The following ADRA1B variants were observed in gnomAD, a reference collection of about 807,000 sequenced individuals.
ADRA1B encodes the protein alpha-1B adrenergic receptor.
ADRA1B carries 17 observed loss-of-function variants against 17.9 expected under a neutral mutation model. The observed-to-expected ratio is 0.95, with a 90% CI of 0.65 to 1.42. The LOEUF (loss-of-function observed/expected upper bound fraction) is 1.42. ADRA1B is among the 40% of genes most tolerant of loss of function. The pLI, the probability that ADRA1B is intolerant of heterozygous loss-of-function variation, is 0.00. For missense variants in ADRA1B, 681 were observed against 722.1 expected (o/e 0.94, Z 0.65); for synonymous variants, 366 against 327.6 (o/e 1.12, Z -1.27).
chr5:159,971,063 A>G (rs1161531937), intron 1 of ADRA1B, among the ~76,000 whole-genome samples: 1 of 152,136 alleles, frequency 6.6e-6, no homozygotes, highest in Non-Finnish European at 1.5e-5. Flanking sequence ...TGGTCTCCCA[A>G]AGTGCTGGGA....
chr5:159,925,452 T>G (rs75398586), intron 1 of ADRA1B, among the ~76,000 whole-genome samples: 11 of 152,182 alleles, frequency 7.2e-5, no homozygotes, highest in Non-Finnish European at 1.2e-4. Flanking sequence ...TTTAGAGGAC[T>G]TTTTTACAGT....
intron 1 of ADRA1B, among the ~76,000 whole-genome samples, chr5:159,929,434 GT>G (rs902377495): frequency 6.7e-6 from 1 of 149,458 alleles, no homozygotes; most frequent in African/African-American, 2.5e-5. Context: ...TTTAGTTTGG[GT>G]TTTTTTTGGT....
intron 1 of ADRA1B, among the ~76,000 whole-genome samples, chr5:159,906,028 T>G (rs1000203908): frequency 5.3e-5 from 8 of 152,164 alleles, no homozygotes; most frequent in African/African-American, 1.9e-4. Flanking sequence ...CTAATTTTTG[T>G]ATTTTTAGTA....
At chr5:159,892,904 C>T (rs534731675) in intron 1 of ADRA1B, among the ~76,000 whole-genome samples, 5 of 152,236 alleles carry the variant, frequency 3.3e-5, no homozygotes, top group South Asian at 2.1e-4. Flanking sequence ...GCCGAGGATT[C>T]GCTACACTGT....
intron 1 of ADRA1B, among the ~76,000 whole-genome samples, chr5:159,910,300 G>C (rs1754215453): frequency 6.6e-6 from 1 of 152,160 alleles, no homozygotes; most frequent in South Asian, 2.1e-4. Context: ...GGCTGAAAGA[G>C]TTTATGTAGC....
intron 1 of ADRA1B, among the ~76,000 whole-genome samples, chr5:159,894,629 C>T (rs1042451800): frequency 4.6e-5 from 7 of 151,974 alleles, no homozygotes; most frequent in Non-Finnish European, 1.0e-4. Context: ...TTTGGAATTT[C>T]AGTGTTATGG....
intron 1 of ADRA1B, among the ~76,000 whole-genome samples, chr5:159,958,737 C>T (rs1755611995): frequency 6.6e-6 from 1 of 152,184 alleles, no homozygotes; most frequent in African/African-American, 2.4e-5. Flanking sequence ...TAGAGACTTC[C>T]TATACAAAAG....
At chr5:159,942,105 G>A (rs747703246) in intron 1 of ADRA1B, among the ~76,000 whole-genome samples, 140 of 151,972 alleles carry the variant, frequency 9.2e-4, no homozygotes, top group Non-Finnish European at 1.3e-3. Context: ...TGTATTTTTA[G>A]TAGAGATGGG....
intron 1 of ADRA1B, among the ~76,000 whole-genome samples, chr5:159,963,748 T>C (rs1755722321): frequency 6.6e-6 from 1 of 152,206 alleles, no homozygotes. Context: ...TGTTGAGACC[T>C]CCACTGTTCA....
chr5:159,950,962 G>A, intron 1 of ADRA1B: 1 of 591,466 alleles, frequency 1.7e-6, no homozygotes. Flanking sequence ...TGGCAGTGAT[G>A]GCGTGGACTG....
At chr5:159,898,989 G>GT (rs1448642479) in intron 1 of ADRA1B, among the ~76,000 whole-genome samples, 1 of 151,858 alleles carries the variant, frequency 6.6e-6, no homozygotes, top group Non-Finnish European at 1.5e-5. Context: ...ACAAAAAAAA[G>GT]TTTTTTAATT....
intron 1 of ADRA1B, chr5:159,929,099 T>C (rs979600360): frequency 6.6e-6 from 1 of 152,120 alleles, no homozygotes; most frequent in Non-Finnish European, 1.5e-5. Context: ...ATGAAGCCCC[T>C]TCTCACAGTC....
In ADRA1B at chr5:159,972,086, A is replaced by G; in HGVS notation, c.1157A>G (p.Tyr386Cys). 1.5e-6 allele frequency: 2 copies of G among 1,299,814 alleles called. No individual in the cohort carries two copies. Among genetic ancestry groups the G allele is most frequent in the Non-Finnish European group, 9.8e-7 (1 of 1,022,168 alleles). 80.5% of individuals were successfully genotyped at this position (1,299,814 alleles called of 1,614,324 possible). A position where few individuals can be genotyped will look rare whatever the true frequency, so the allele number is the denominator to read the frequency against. The change falls in exon 2 of 2, where the codon TAC (tyrosine) becomes TGC (cysteine). Residue 386 changes from tyrosine to cysteine, a missense_variant. Physicochemically the swap from Tyr to Cys is radical, Grantham distance 194 (BLOSUM62 -2). Coordinates refer to ENST00000306675, the MANE Select transcript of ADRA1B (RefSeq NM_000679.4). The stretch of plus-strand genomic sequence containing the variant: ...CGCCGTCGCCTGGGCGGCTGCGCCT[A>G]CACCTACCGGCCGTGGACGCGCGGC... ...RRRRRLGGCA[Y>C]TYRPWTRGGS...
intron 1 of ADRA1B, among the ~76,000 whole-genome samples, chr5:159,866,519 G>A (rs754599753): frequency 1.3e-4 from 19 of 151,604 alleles, no homozygotes; most frequent in South Asian, 1.0e-3. Flanking sequence ...CCCGGGAGGC[G>A]GAGGTTGGGG....
chr5:159,950,620 G>A (rs1755409169), intron 1 of ADRA1B: 3 of 866,546 alleles, frequency 3.5e-6, no homozygotes, highest in African/African-American at 1.6e-5. Flanking sequence ...AGCATCAAAG[G>A]TGGAGGAGTG....
chr5:159,869,945 A>G (rs1404776595), intron 1 of ADRA1B: 3 of 152,222 alleles, frequency 2.0e-5, no homozygotes, highest in African/African-American at 4.8e-5. Flanking sequence ...ATTGCAGCCA[A>G]TGGCAGGCAC....
chr5:159,935,171 G>C (rs916694961), intron 1 of ADRA1B, among the ~76,000 whole-genome samples: 6 of 152,138 alleles, frequency 3.9e-5, no homozygotes, highest in African/African-American at 1.4e-4. Context: ...GAATAGTCGG[G>C]AAAATTGTCT....
chr5:159,902,495 A>G (rs1007079453), intron 1 of ADRA1B, among the ~76,000 whole-genome samples: 2 of 143,096 alleles, frequency 1.4e-5, no homozygotes, highest in Non-Finnish European at 3.1e-5. Context: ...ACCACCATTT[A>G]AAAAAAAAAA....
intron 1 of ADRA1B, among the ~76,000 whole-genome samples, chr5:159,922,966 G>T (rs1223443226): frequency 6.6e-6 from 1 of 151,172 alleles, no homozygotes; most frequent in Non-Finnish European, 1.5e-5. Context: ...TAAAACAGGG[G>T]TTAGTACATC....
Sources: allele counts gnomAD v4.1 joint callset (sites outside exome capture counted in the v4.1 genomes callset), GRCh38; gene constraint gnomAD v4.1.1; transcripts MANE v1.5; gene names NCBI Gene and HGNC (gene_info 2026-07-23, HGNC 2026-07-21).